Variants in MAU2 observed in about 807,000 individuals in gnomAD.
The protein encoded by MAU2 is MAU2 chromatid cohesion factor homolog.
Under a neutral mutation model 89.1 loss-of-function variants are expected in MAU2, and 9 were observed. The ratio of observed to expected loss-of-function variants is 0.10; its 90% CI spans 0.06 to 0.18. MAU2 has a LOEUF of 0.18. Ranked by LOEUF, MAU2 falls within the 10% of genes least tolerant of loss-of-function variation. MAU2 has a pLI of 1.00. For synonymous variants in MAU2, 357 were observed against 343.4 expected, an observed-to-expected ratio of 1.04 and a Z score of -0.44; for missense variants, 425 against 803.5, an observed-to-expected ratio of 0.53 and a Z score of 5.69.
intron 17 of MAU2, 170 bp from the exon 18 acceptor site, chr19:19,355,094 C>T (rs550178464): frequency 4.0e-5 from 33 of 825,406 alleles, no homozygotes; most frequent in African/African-American, 6.8e-5. Context: ...GGGCGGCTGG[C>T]GCATGGGCTT....
Position 19,354,455 on chromosome 19 carries a change from A to G in MAU2, c.1639+10A>G. On this transcript the variant is annotated intron_variant, in intron 17 of 18. Coordinates refer to ENST00000262815, the MANE Select transcript of MAU2 (RefSeq NM_015329.4). ...TCAGCACTGCTGAGAGGTGAGTGCA[A>G]TGGCCACCCCTCTTCCCCAGCCCCA... 6.2e-7 allele frequency: 1 copy of G among 1,610,284 alleles called. No individual in the cohort carries two copies.
chr19:19,335,977 T>C, intron 2 of MAU2, 145 bp from the exon 3 acceptor site: 1 of 720,890 alleles, frequency 1.4e-6, no homozygotes, highest in Middle Eastern at 2.5e-4. Context: ...CAAGGTTCAC[T>C]GGGGGAACAG....
Position 19,342,440 on chromosome 19 carries a change from A to G in MAU2, c.736-95A>G. 5.7e-6 allele frequency: 8 copies of G among 1,400,924 alleles called. No individual in the cohort carries two copies. In the East Asian group the frequency reaches 7.1e-5, roughly 12 times the overall value. The allele number at this position is 1,400,924 out of a possible 1,614,324, so 86.8% of individuals were successfully genotyped here. A position where few individuals can be genotyped will look rare whatever the true frequency, so the allele number is the denominator to read the frequency against. Reference sequence around the variant, plus strand: ...TGGCCCTGGCAGAAGGGGAAGGCAGATGCTCCCTAGAGGAAGGAGCAGGGG... The same window carrying G: ...TGGCCCTGGCAGAAGGGGAAGGCAGGTGCTCCCTAGAGGAAGGAGCAGGGG... On this transcript the variant is annotated intron_variant, in intron 7 of 18. Coordinates refer to ENST00000262815, the MANE Select transcript of MAU2 (RefSeq NM_015329.4).
At position 19,345,504 on chromosome 19, in the gene MAU2, A is replaced by G; in HGVS notation, c.1221+135A>G. The stretch of plus-strand genomic sequence containing the variant: ...CGCAGCCCCAGAGGCAATGCACAGT[A>G]GTCAGCCCATGCCAGCCTTGGCAGT... On this transcript the variant is annotated intron_variant, in intron 12 of 18. Coordinates refer to ENST00000262815, the MANE Select transcript of MAU2 (RefSeq NM_015329.4). The surrounding 1 kb of genome is among the most constrained non-coding windows in gnomAD (Gnocchi z 4.9). 1 of 824,752 alleles carries G rather than the reference A, an allele frequency of 1.2e-6. No individual in the cohort carries two copies. The highest frequency in any genetic ancestry group is 2.0e-6 in the Non-Finnish European group (1 of 497,244). 51.1% of individuals were successfully genotyped at this position (824,752 alleles called of 1,614,324 possible).
At chr19:19,344,772 TG>T in intron 10 of MAU2, 76 bp from the exon 11 acceptor site, 1 of 1,206,716 alleles carries the variant, frequency 8.3e-7, no homozygotes. Flanking sequence ...CCACCAGCTA[TG>T]GGGTCTCTCC....
chr19:19,326,833 A>G (rs1444443633), intron 1 of MAU2, among the ~76,000 whole-genome samples: 3 of 149,692 alleles, frequency 2.0e-5, no homozygotes, highest in Non-Finnish European at 4.4e-5. Context: ...TTGAGGCTAC[A>G]GTGAGCTGTG....
intron 1 of MAU2, 138 bp downstream of exon 1, chr19:19,321,273 C>A: frequency 9.4e-7 from 1 of 1,061,094 alleles, no homozygotes; most frequent in Non-Finnish European, 1.3e-6. Context: ...GCAGGACCCC[C>A]ACCCGCCTCT....
At chr19:19,341,444 C>G (rs746429278) in intron 7 of MAU2, 37 bp downstream of exon 7, 14 of 1,609,842 alleles carry the variant, frequency 8.7e-6, no homozygotes, top group Non-Finnish European at 1.1e-5. Flanking sequence ...CTGGTTGTGA[C>G]CAGTGGGTAT....
chr19:19,335,114 C>T (rs2061586076), intron 1 of MAU2, among the ~76,000 whole-genome samples: 1 of 152,192 alleles, frequency 6.6e-6, no homozygotes, highest in Non-Finnish European at 1.5e-5. Flanking sequence ...GTTGTCTGAA[C>T]TGCCTTCCTG....
In MAU2 at chr19:19,348,933, T is replaced by A. The variant is rs755960507; in HGVS notation, c.1353T>A (p.Pro451=). The stretch of plus-strand genomic sequence containing the variant: ...GGATCAACCCGGACCACAGCTTCCC[T>A]GTCAGGTGAGCCGCTCCAGGCACCA... The part of the protein sequence containing the change: ...LERINPDHSF[P]VSSHCLRAAA... Residue 451 remains proline, a synonymous_variant, in exon 14 of 19, where the codon CCT becomes CCA. Coordinates refer to ENST00000262815, the MANE Select transcript of MAU2 (RefSeq NM_015329.4). 1.9e-6 allele frequency: 3 copies of A among 1,613,636 alleles called. No individual in the cohort carries two copies. Among genetic ancestry groups the A allele is most frequent in the Non-Finnish European group, 2.5e-6 (3 of 1,179,886 alleles).
chr19:19,328,982 T>A (rs771608535), intron 1 of MAU2: 68 of 452,778 alleles, frequency 1.5e-4, no homozygotes, highest in Non-Finnish European at 2.6e-4. Flanking sequence ...TTTTTAATGG[T>A]GGTTTTGCTC....
Position 19,342,878 on chromosome 19 carries a change from G to A in MAU2, c.973+12G>A. Reference sequence around the variant, plus strand: ...GGAGAAGCTCAAGAGTAAGTCAGGTGCTCGGCTGGCCACATGGCCACAGCG... The same window carrying A: ...GGAGAAGCTCAAGAGTAAGTCAGGTACTCGGCTGGCCACATGGCCACAGCG... On this transcript the variant is annotated intron_variant, in intron 9 of 18. Coordinates refer to ENST00000262815, the MANE Select transcript of MAU2 (RefSeq NM_015329.4). 6.2e-7 allele frequency: 1 copy of A among 1,613,278 alleles called. No homozygotes were observed. Among genetic ancestry groups the A allele is most frequent in the Non-Finnish European group, 8.5e-7 (1 of 1,179,880 alleles).
At chr19:19,347,658 G>A (rs941933767) in intron 13 of MAU2, 1 of 290,410 alleles carries the variant, frequency 3.4e-6, no homozygotes, top group East Asian at 7.4e-5. Context: ...AGCCCAAGCT[G>A]TCTGCTCTAG....
Position 19,320,855 on chromosome 19 carries a change from C to G in MAU2, c.-5C>G, listed in dbSNP as rs1196417277. Reference sequence around the variant, plus strand: ...TGGCGGCGGCTTGTTGTTGTGGAGGCCAAAATGGCGGCTCAGGCGGCGGCA... The same window carrying G: ...TGGCGGCGGCTTGTTGTTGTGGAGGGCAAAATGGCGGCTCAGGCGGCGGCA... On this transcript the variant is annotated 5_prime_UTR_variant, in exon 1 of 19. Coordinates refer to ENST00000262815, the MANE Select transcript of MAU2 (RefSeq NM_015329.4). 20 of 1,522,576 alleles carry G rather than the reference C, an allele frequency of 1.3e-5. No homozygotes were observed. In the East Asian group the frequency reaches 5.0e-4, roughly 38 times the overall value. 94.3% of individuals were successfully genotyped at this position (1,522,576 alleles called of 1,614,324 possible). A position where few individuals can be genotyped will look rare whatever the true frequency, so the allele number is the denominator to read the frequency against.
At chr19:19,337,143 T>A in intron 3 of MAU2, 27 bp from the exon 4 acceptor site, 1 of 1,514,570 alleles carries the variant, frequency 6.6e-7, no homozygotes, top group Non-Finnish European at 9.1e-7. Context: ...TTTTCTTACA[T>A]TCCCAAACGT....
intron 1 of MAU2, among the ~76,000 whole-genome samples, chr19:19,334,779 C>G (rs1433014940): frequency 2.0e-5 from 3 of 152,226 alleles, no homozygotes; most frequent in African/African-American, 7.2e-5. Context: ...GGAGCACCTC[C>G]TGCTCCCCCT....
chr19:19,333,897 C>A (rs1392948158), intron 1 of MAU2, among the ~76,000 whole-genome samples: 1 of 152,194 alleles, frequency 6.6e-6, no homozygotes, highest in Non-Finnish European at 1.5e-5. Context: ...CTACCCTGGA[C>A]TGTGTCTGAA....
At chr19:19,329,429 G>A (rs1159943724) in intron 1 of MAU2, among the ~76,000 whole-genome samples, 1 of 152,074 alleles carries the variant, frequency 6.6e-6, no homozygotes, top group East Asian at 1.9e-4. Flanking sequence ...CTTCCTGATT[G>A]CCAGTTACTA....
chr19:19,337,890 G>A (rs1293821821), intron 4 of MAU2, among the ~76,000 whole-genome samples: 2 of 152,220 alleles, frequency 1.3e-5, no homozygotes, highest in East Asian at 1.9e-4. Flanking sequence ...CTCTGAACTC[G>A]GCCTTCCCGG....
Sources: gnomAD v4.1 joint callset for allele counts (sites outside exome capture counted in the v4.1 genomes callset) on GRCh38, gnomAD v4.1.1 for gene constraint, Gnocchi (gnomAD v3.1) non-coding constraint, MANE v1.5 for transcripts, NCBI Gene and HGNC (gene_info 2026-07-23, HGNC 2026-07-21) for gene names.